Variants in PXDNL observed in about 807,000 individuals in gnomAD.
PXDNL encodes peroxidasin like.
PXDNL carries 145 observed loss-of-function variants against 150.8 expected under a neutral mutation model. The observed-to-expected ratio is 0.96, with a 90% CI of 0.84 to 1.10. The LOEUF (loss-of-function observed/expected upper bound fraction) is 1.10, where lower values mean the gene tolerates loss of function less well. Ranked by LOEUF, PXDNL falls within the 50% of genes least tolerant of loss-of-function variation. The pLI is 0.00. For missense variants in PXDNL, 2,087 were observed against 1,873.9 expected, an observed-to-expected ratio of 1.11 and a Z score of -2.10; for synonymous variants, 757 against 725.7, an observed-to-expected ratio of 1.04 and a Z score of -0.69.
rs188422611 is a variant in PXDNL at position 51,349,909 on chromosome 8, T to C, written c.3902-3962A>G. Reference sequence around the variant, plus strand: ...TTTTCAACACTTTCAACACCTCTTATTTGCTTGCAAAAAGGGGAAAAGTAC... The same window carrying C: ...TTTTCAACACTTTCAACACCTCTTACTTGCTTGCAAAAAGGGGAAAAGTAC... On this transcript the variant is annotated intron_variant, in intron 19 of 22. Coordinates refer to ENST00000356297, the MANE Select transcript of PXDNL (RefSeq NM_144651.5). 7.2e-4 allele frequency among the ~76,000 whole-genome samples: 109 copies of C among 152,250 alleles called. 1 individual carries two copies. The highest frequency in any genetic ancestry group is 1.4e-3 in the Non-Finnish European group (92 of 68,002).
rs368305224 is a variant in PXDNL, at chr8:51,583,667, A to G, written c.308+8960T>C. ...AAATCTTTTTTGCTCACCACGACAT[A>G]ACTAGAGCCTAGTATAGTACTTCCA... On this transcript the variant is annotated intron_variant, in intron 3 of 22. Transcript: ENST00000356297. 2.0e-5 allele frequency among the ~76,000 whole-genome samples: 3 copies of G among 152,320 alleles called. 1 individual carries two copies. The highest frequency in any genetic ancestry group is 6.5e-5 in the Admixed American group (1 of 15,302).
intron 21 of PXDNL, among the ~76,000 whole-genome samples, chr8:51,339,131 C>T (rs935832392): frequency 6.6e-6 from 1 of 152,126 alleles, no homozygotes; most frequent in Admixed American, 6.6e-5. Context: ...TAGTGTGTTT[C>T]CCCAAGGCCT....
chr8:51,583,661 C>T (rs4242467), intron 3 of PXDNL, among the ~76,000 whole-genome samples: 17,216 of 151,940 alleles, frequency 0.11, 1,180 homozygotes, highest in Admixed American at 0.2. Context: ...TTGCTCACCA[C>T]GACATAACTA....
Position 51,453,798 on chromosome 8 carries a change from G to A in PXDNL, c.983-13C>T. 1 of 1,610,698 alleles carries A rather than the reference G, an allele frequency of 6.2e-7. No individual in the cohort carries two copies. Among genetic ancestry groups the A allele is most frequent in the Non-Finnish European group, 8.5e-7 (1 of 1,177,720 alleles). ...AAGCTTGGTTTGGCTGATGGTAAAG[G>A]GGGAACAAAACGAAATCCAGCAAGT... On this transcript the variant is annotated splice_polypyrimidine_tract_variant and intron_variant, in intron 9 of 22. Coordinates refer to ENST00000356297, the MANE Select transcript of PXDNL (RefSeq NM_144651.5).
intron 1 of PXDNL, among the ~76,000 whole-genome samples, chr8:51,744,975 AGAAAGAAAGAAAGAAAGGGAGGGAG>A (rs2036965899): frequency 1.5e-4 from 2 of 13,230 alleles, no homozygotes; most frequent in African/African-American, 5.1e-4. Flanking sequence ...AAAGAAAGAA[AGAAAGAAAGAAAGAAAGGGAGGGAG>A]GGAAGAAAAG....
intron 5 of PXDNL, among the ~76,000 whole-genome samples, chr8:51,487,522 A>C (rs190787499): frequency 1.2e-4 from 18 of 152,168 alleles, no homozygotes; most frequent in Admixed American, 4.6e-4. Context: ...TTAGCCAAAA[A>C]GTCCAAATTC....
chr8:51,615,658 G>C (rs1214979739), intron 2 of PXDNL, among the ~76,000 whole-genome samples: 1 of 152,102 alleles, frequency 6.6e-6, no homozygotes, highest in Admixed American at 6.6e-5. Flanking sequence ...AAATTTCAAA[G>C]CTTCAATCAC....
intron 12 of PXDNL, among the ~76,000 whole-genome samples, chr8:51,435,388 T>TG (rs58462534): frequency 6.7e-6 from 1 of 150,134 alleles, no homozygotes; most frequent in East Asian, 2.0e-4. Context: ...TTTGTTTGTT[T>TG]TTTAGATGCA....
chr8:51,683,626 A>C (rs556513754), intron 1 of PXDNL, among the ~76,000 whole-genome samples: 4 of 152,254 alleles, frequency 2.6e-5, no homozygotes, highest in Admixed American at 1.3e-4. Context: ...AATTTTGTTC[A>C]TAAGTAAGAT....
At chr8:51,744,346 G>T (rs1455305453) in intron 1 of PXDNL, among the ~76,000 whole-genome samples, 1 of 150,904 alleles carries the variant, frequency 6.6e-6, no homozygotes, top group African/African-American at 2.4e-5. Context: ...AAGAGAGAAA[G>T]AGAGAAAGAA....
At chr8:51,335,614 CATT>C (rs1174145093) in intron 21 of PXDNL, among the ~76,000 whole-genome samples, 1 of 151,716 alleles carries the variant, frequency 6.6e-6, no homozygotes, top group Non-Finnish European at 1.5e-5. Context: ...GTGAAGACCT[CATT>C]AACATTTTTA....
intron 14 of PXDNL, among the ~76,000 whole-genome samples, chr8:51,420,666 G>A (rs10111431): frequency 1.3e-3 from 205 of 152,218 alleles, no homozygotes; most frequent in African/African-American, 4.8e-3. Flanking sequence ...TAAATAAAGT[G>A]ATTAATACAT....
intron 4 of PXDNL, among the ~76,000 whole-genome samples, chr8:51,536,105 C>T (rs773050883): frequency 2.0e-5 from 3 of 152,256 alleles, no homozygotes; most frequent in Non-Finnish European, 4.4e-5. Flanking sequence ...CCACTCAGGG[C>T]TACACCCTCT....
At chr8:51,706,495 T>C (rs929982649) in intron 1 of PXDNL, among the ~76,000 whole-genome samples, 5 of 152,176 alleles carry the variant, frequency 3.3e-5, no homozygotes, top group Admixed American at 1.3e-4. Context: ...CAGTAGATTT[T>C]GTGAGAGCTA....
chr8:51,508,155 G>GA (rs1811331800), intron 4 of PXDNL, among the ~76,000 whole-genome samples: 1 of 152,218 alleles, frequency 6.6e-6, no homozygotes, highest in Admixed American at 6.5e-5. Context: ...AAGGAGGCAG[G>GA]AATGTGTCCC....
At chr8:51,380,262 G>A (rs2130808202) in intron 17 of PXDNL, among the ~76,000 whole-genome samples, 1 of 152,288 alleles carries the variant, frequency 6.6e-6, no homozygotes, top group Admixed American at 6.5e-5. Context: ...TTTATAGGAA[G>A]GGTTGCTAAC....
intron 19 of PXDNL, among the ~76,000 whole-genome samples, chr8:51,361,316 A>T (rs1333967506): frequency 1.3e-5 from 2 of 152,164 alleles, no homozygotes; most frequent in African/African-American, 4.8e-5. Context: ...ATAAATGGAA[A>T]TATTGCAGAA....
At chr8:51,377,446 G>A (rs539983980) in intron 17 of PXDNL, among the ~76,000 whole-genome samples, 180 of 152,262 alleles carry the variant, frequency 1.2e-3, no homozygotes, top group East Asian at 5.6e-3. Context: ...GCCCGCCGCC[G>A]CACTGTGGGA....
intron 19 of PXDNL, among the ~76,000 whole-genome samples, chr8:51,349,087 G>GTGTT (rs1240099405): frequency 1.3e-5 from 2 of 152,098 alleles, no homozygotes; most frequent in African/African-American, 2.4e-5. Flanking sequence ...AGCAGATAGG[G>GTGTT]TGTTTGAAGA....
Sources: allele counts gnomAD v4.1 joint callset (sites outside exome capture counted in the v4.1 genomes callset), GRCh38; gene constraint gnomAD v4.1.1; transcripts MANE v1.5; gene names NCBI Gene and HGNC (gene_info 2026-07-23, HGNC 2026-07-21).